Variants in CAPN9 observed in about 807,000 individuals in gnomAD.
CAPN9 encodes the protein calpain-9.
In CAPN9, 81 loss-of-function variants were observed where a neutral mutation model predicts 92.8. The ratio of observed to expected loss-of-function variants is 0.87; its 90% CI spans 0.73 to 1.05. CAPN9 has a LOEUF of 1.05. Among genes scored for constraint, CAPN9 ranks in the 50% least tolerant of loss-of-function variants. The pLI is 0.00. For synonymous variants in CAPN9, 304 were observed against 328.0 expected, an observed-to-expected ratio of 0.93 and a Z score of 0.79; for missense variants, 848 against 866.2, an observed-to-expected ratio of 0.98 and a Z score of 0.26.
At chr1:230,767,759 G>T in intron 5 of CAPN9, 50 bp downstream of exon 5, 1 of 1,544,708 alleles carries the variant, frequency 6.5e-7, no homozygotes, top group Non-Finnish European at 8.8e-7. Flanking sequence ...GGGCTGCATA[G>T]TGCATTCCAG....
intron 8 of CAPN9, among the ~76,000 whole-genome samples, chr1:230,778,603 G>A (rs576017165): frequency 2.8e-4 from 42 of 152,228 alleles, no homozygotes; most frequent in Non-Finnish European, 5.3e-4. Context: ...GACCCCCAGA[G>A]AGCTGCCCTG....
At chr1:230,787,699 T>A (rs1667704964) in intron 13 of CAPN9, 97 bp downstream of exon 13, 2 of 986,382 alleles carry the variant, frequency 2.0e-6, no homozygotes, top group Admixed American at 3.5e-5. Flanking sequence ...AGCAACGTCA[T>A]CCTGAGGCAT....
chr1:230,784,661 A>C (rs1244853095), intron 11 of CAPN9, among the ~76,000 whole-genome samples: 2 of 152,254 alleles, frequency 1.3e-5, no homozygotes, highest in Admixed American at 1.3e-4. Context: ...GGCAGCCTCC[A>C]CCTAGATTTC....
At chr1:230,799,342 A>G (rs1231289891) in intron 19 of CAPN9, among the ~76,000 whole-genome samples, 1 of 152,218 alleles carries the variant, frequency 6.6e-6, no homozygotes, top group Admixed American at 6.5e-5. Flanking sequence ...AAAGAGACAT[A>G]GGCCTTAATA....
intron 4 of CAPN9, among the ~76,000 whole-genome samples, chr1:230,766,367 C>A (rs575859518): frequency 6.6e-6 from 1 of 152,240 alleles, no homozygotes; most frequent in South Asian, 2.1e-4. Context: ...TGATTACAAG[C>A]GCACAATGTG....
rs754251130 is a variant in CAPN9 at position 230,747,608 on chromosome 1, CAG to C, written c.117_118del (p.Gly40HisfsTer4). 1.2e-5 allele frequency: 20 copies of C among 1,613,962 alleles called. No individual in the cohort carries two copies. The highest frequency in any genetic ancestry group is 1.6e-5 in the Non-Finnish European group (19 of 1,179,942). On this transcript the variant is annotated frameshift_variant, in exon 1 of 20. Coordinates refer to ENST00000271971, the MANE Select transcript of CAPN9 (RefSeq NM_006615.3). LOFTEE classifies it high-confidence loss of function. The stretch of plus-strand genomic sequence containing the variant: ...TGAGCAAATGAGGCAGGAGTGCCTG[CAG>C]AGAGGCACCCTGTTTGAGGATGCAG... ...SFEQMRQECLQRGTLFEDADF... is the reference protein window; with the variant it reads ...SFEQMRQECLXRGTLFEDADF...
chr1:230,793,547 A>G (rs554818186), intron 17 of CAPN9, among the ~76,000 whole-genome samples: 1 of 152,288 alleles, frequency 6.6e-6, no homozygotes, highest in African/African-American at 2.4e-5. Context: ...TCCTGCACAC[A>G]CAACCGTAGT....
chr1:230,791,964 G>T (rs374229880), intron 15 of CAPN9, 36 bp downstream of exon 15: 7 of 1,474,564 alleles, frequency 4.7e-6, no homozygotes, highest in South Asian at 4.5e-5. Flanking sequence ...AATAGACATG[G>T]ATCCTGGGCT....
Position 230,755,287 on chromosome 1 carries a change from T to C in CAPN9, c.214-50T>C, listed in dbSNP as rs201374402. ...AGACCCTGAGCCTACCCTTTCATAG[T>C]GGCTTGCAGCATGGCAGGCCTCAGC... On this transcript the variant is annotated intron_variant, in intron 1 of 19. Coordinates refer to ENST00000271971, the MANE Select transcript of CAPN9 (RefSeq NM_006615.3). 1.7e-4 allele frequency: 244 copies of C among 1,418,148 alleles called. 1 individual carries two copies. The African/African-American group carries it at 3.2e-3, about 19-fold the overall frequency. The allele number at this position is 1,418,148 out of a possible 1,614,324, so 87.8% of individuals were successfully genotyped here.
At chr1:230,763,750 G>A (rs1338848588) in intron 4 of CAPN9, among the ~76,000 whole-genome samples, 1 of 152,240 alleles carries the variant, frequency 6.6e-6, no homozygotes, top group African/African-American at 2.4e-5. Context: ...GAGGCATACT[G>A]TGGTTAAATT....
At chr1:230,790,356 C>G (rs928621327) in intron 14 of CAPN9, 167 bp downstream of exon 14, 29 of 973,782 alleles carry the variant, frequency 3.0e-5, no homozygotes, top group Non-Finnish European at 3.5e-5. Flanking sequence ...ATTCCAAAAA[C>G]GATGCAGGTT....
intron 11 of CAPN9, among the ~76,000 whole-genome samples, chr1:230,783,452 C>G (rs916609953): frequency 6.6e-6 from 1 of 152,024 alleles, no homozygotes; most frequent in Non-Finnish European, 1.5e-5. Context: ...TGGTGCTATC[C>G]TCGTGATACT....
intron 1 of CAPN9, among the ~76,000 whole-genome samples, chr1:230,754,499 G>A (rs961854256): frequency 5.9e-5 from 9 of 151,800 alleles, no homozygotes; most frequent in Non-Finnish European, 1.2e-4. Context: ...TTTTACCTAA[G>A]CGCATCTCTG....
At chr1:230,771,561 G>C (rs1430697629) in intron 6 of CAPN9, among the ~76,000 whole-genome samples, 2 of 152,178 alleles carry the variant, frequency 1.3e-5, no homozygotes, top group Non-Finnish European at 2.9e-5. Context: ...TCTGTGCATG[G>C]GATGCTAGGA....
Position 230,762,644 on chromosome 1 carries a change from G to C in CAPN9, c.403-9G>C. 1 of 1,612,572 alleles carries C rather than the reference G, an allele frequency of 6.2e-7. No individual in the cohort carries two copies. The highest frequency in any genetic ancestry group is 8.5e-7 in the Non-Finnish European group (1 of 1,179,410). On this transcript the variant is annotated splice_polypyrimidine_tract_variant and intron_variant, in intron 3 of 19. Coordinates refer to ENST00000271971, the MANE Select transcript of CAPN9 (RefSeq NM_006615.3). Reference sequence around the variant, plus strand: ...CTCGCATCATTTCTGTCTTTTTCCTGGGCAACAGTTCTGGCAGCACAGTGA... The same window carrying C: ...CTCGCATCATTTCTGTCTTTTTCCTCGGCAACAGTTCTGGCAGCACAGTGA...
intron 1 of CAPN9, among the ~76,000 whole-genome samples, chr1:230,754,134 T>TG (rs1215735691): frequency 3.0e-5 from 4 of 134,236 alleles, no homozygotes; most frequent in African/African-American, 1.1e-4. Context: ...GGCAGGAGGC[T>TG]GGGAAGGGGC....
Position 230,780,133 on chromosome 1 carries a change from G to T in CAPN9, c.1115-46G>T, listed in dbSNP as rs753168495. The T allele has an allele frequency of 1.8e-5, 25 of 1,392,200 alleles. No individual in the cohort carries two copies. In the Admixed American group the frequency reaches 3.9e-4, roughly 22 times the overall value. The allele number at this position is 1,392,200 out of a possible 1,614,324, so 86.2% of individuals were successfully genotyped here. On this transcript the variant is annotated intron_variant, in intron 9 of 19. Transcript: ENST00000271971. ...GTGTGTGTGTGTGTGGTCTTTGTGGGTTGTTTTTTAAAAGGGGAAAATAAT... is the reference window on the plus strand; with the variant it reads ...GTGTGTGTGTGTGTGGTCTTTGTGGTTTGTTTTTTAAAAGGGGAAAATAAT...
chr1:230,789,995 T>C, intron 13 of CAPN9, 137 bp from the exon 14 acceptor site: 1 of 632,196 alleles, frequency 1.6e-6, no homozygotes, highest in South Asian at 2.1e-5. Flanking sequence ...AGGAGATAGG[T>C]ACATCTGCCC....
intron 12 of CAPN9, 85 bp from the exon 13 acceptor site, chr1:230,787,437 C>T: frequency 8.6e-7 from 1 of 1,163,416 alleles, no homozygotes; most frequent in Non-Finnish European, 1.3e-6. Context: ...GCTGGGCACA[C>T]AGGCTCCTGG....
Sources: gnomAD v4.1 joint callset for allele counts (sites outside exome capture counted in the v4.1 genomes callset) on GRCh38, gnomAD v4.1.1 for gene constraint, MANE v1.5 for transcripts, NCBI Gene and HGNC (gene_info 2026-07-23, HGNC 2026-07-21) for gene names.